The following KIRREL3 variants were observed in gnomAD, a reference collection of about 807,000 sequenced individuals.
The protein encoded by KIRREL3 is kirre like nephrin family adhesion molecule 3.
In KIRREL3, 36 loss-of-function variants were observed where a neutral mutation model predicts 89.7. That is an observed-to-expected ratio of 0.40 (90% CI 0.31 to 0.53). The LOEUF (loss-of-function observed/expected upper bound fraction) is 0.53. KIRREL3 is among the 20% of genes least tolerant of loss of function. The pLI, the probability that KIRREL3 is intolerant of heterozygous loss-of-function variation, is 0.49. For synonymous variants in KIRREL3, 445 were observed against 441.4 expected (o/e 1.01, Z -0.10); for missense variants, 864 against 1,056.6 (o/e 0.82, Z 2.53).
At chr11:127,002,419 G>T (rs1224357241), upstream of KIRREL3, among the ~76,000 whole-genome samples, 2 of 152,232 alleles carry the variant, frequency 1.3e-5, no homozygotes, top group Non-Finnish European at 2.9e-5. Flanking sequence ...TAACAAACAA[G>T]TTACTGAAGC....
chr11:126,450,614 TGTGC>T (rs1956032970), intron 7 of KIRREL3, among the ~76,000 whole-genome samples: 1 of 149,524 alleles, frequency 6.7e-6, no homozygotes, highest in South Asian at 2.1e-4. Flanking sequence ...TCCATCGGCG[TGTGC>T]GAGCATGTGC....
Position 126,705,508 on chromosome 11 carries a change from C to T in KIRREL3, c.56-142596G>A, listed in dbSNP as rs945135854. The stretch of plus-strand genomic sequence containing the variant: ...CACCTTCTGCCATGATTGGAAGCTT[C>T]CTGAGGCCTCACCAGAAGCTGAGAA... On this transcript the variant is annotated intron_variant, in intron 1 of 16. Transcript: ENST00000525144. The surrounding 1 kb of genome is among the most constrained non-coding windows in gnomAD (Gnocchi z 4.3). Among the ~76,000 whole-genome samples the T allele has an allele frequency of 3.9e-5, 6 of 152,162 alleles. No individual in the cohort carries two copies. Among genetic ancestry groups the T allele is most frequent in the African/African-American group, 1.4e-4 (6 of 41,432 alleles).
intron 1 of KIRREL3, among the ~76,000 whole-genome samples, chr11:126,868,826 C>T (rs192795164): frequency 5.8e-4 from 88 of 152,074 alleles, no homozygotes; most frequent in Non-Finnish European, 1.1e-3. Flanking sequence ...CTGGGAAGTC[C>T]AAGACCAAGG....
Position 126,736,787 on chromosome 11 carries a change from C to T in KIRREL3, c.56-173875G>A, listed in dbSNP as rs1437398946. 6.6e-6 allele frequency among the ~76,000 whole-genome samples: 1 copy of T among 152,156 alleles called. No individual in the cohort carries two copies. Among genetic ancestry groups the T allele is most frequent in the Non-Finnish European group, 1.5e-5 (1 of 68,030 alleles). ...CCCGGGTGTGGGTAAGGTTAAAGGT[C>T]ATGCTAATGTCCATGGACAAAGGCT... On this transcript the variant is annotated intron_variant, in intron 1 of 16. Coordinates refer to ENST00000525144, the MANE Select transcript of KIRREL3 (RefSeq NM_032531.4). This position sits in a 1 kb window ranked among gnomAD's most constrained non-coding sequence, Gnocchi z 5.0.
intron 2 of KIRREL3, among the ~76,000 whole-genome samples, chr11:126,536,864 C>T (rs903646331): frequency 3.3e-5 from 5 of 152,096 alleles, no homozygotes; most frequent in Non-Finnish European, 7.4e-5. Context: ...AGGCCAGTCT[C>T]GAACTCCTGA....
Position 126,610,559 on chromosome 11 carries a change from T to C in KIRREL3, c.56-47647A>G, listed in dbSNP as rs1421191542. 2 of 152,238 alleles carry C rather than the reference T, an allele frequency of 1.3e-5. No homozygotes were observed. The highest frequency in any genetic ancestry group is 2.9e-5 in the Non-Finnish European group (2 of 68,070). 9.4% of individuals were successfully genotyped at this position (152,238 alleles called of 1,614,324 possible). A position where few individuals can be genotyped will look rare whatever the true frequency, so the allele number is the denominator to read the frequency against. On this transcript the variant is annotated intron_variant, in intron 1 of 16. Coordinates refer to ENST00000525144, the MANE Select transcript of KIRREL3 (RefSeq NM_032531.4). This position sits in a 1 kb window ranked among gnomAD's most constrained non-coding sequence, Gnocchi z 4.6. ...AGAGAATGTTTGCATTGGAGGTCTG[T>C]GGGCGTAGAGCACTCAACAAATGCC... is the stretch of plus-strand genomic sequence containing the variant.
intron 1 of KIRREL3, among the ~76,000 whole-genome samples, chr11:126,824,973 T>A (rs1479187612): frequency 6.6e-6 from 1 of 152,244 alleles, no homozygotes; most frequent in Non-Finnish European, 1.5e-5. Flanking sequence ...GTAGCCTTTT[T>A]AATCTTTGTA....
intron 1 of KIRREL3, chr11:126,681,690 C>T (rs1946463768): frequency 5.9e-6 from 2 of 336,732 alleles, no homozygotes; most frequent in South Asian, 4.8e-5. Context: ...CTGGAGTTGG[C>T]CTGGTGCCTC....
In KIRREL3 at chr11:126,909,602, C is replaced by T. The variant is rs1329909305; in HGVS notation, c.55+90853G>A. On this transcript the variant is annotated intron_variant, in intron 1 of 16. Transcript: ENST00000525144. The surrounding 1 kb of genome is among the most constrained non-coding windows in gnomAD (Gnocchi z 4.5). Reference sequence around the variant, plus strand: ...TCTGCTGAATGGAGTCGCAACAGCACCTGTCTCTGGTGTCCTCCACCCTTT... The same window carrying T: ...TCTGCTGAATGGAGTCGCAACAGCATCTGTCTCTGGTGTCCTCCACCCTTT... Among the ~76,000 whole-genome samples, 1 of 152,094 alleles carries T rather than the reference C, an allele frequency of 6.6e-6. No individual in the cohort carries two copies. The highest frequency in any genetic ancestry group is 1.5e-5 in the Non-Finnish European group (1 of 68,024).
At chr11:126,425,603 C>G in intron 16 of KIRREL3, 35 bp downstream of exon 16, 1 of 1,510,758 alleles carries the variant, frequency 6.6e-7, no homozygotes, top group South Asian at 1.2e-5. Context: ...GACCAGATTC[C>G]ATGGCTGTGT....
rs1334194956 is a variant in KIRREL3 at position 126,530,934 on chromosome 11, G to A, written c.134-4247C>T. Among the ~76,000 whole-genome samples, 2 of 151,946 alleles carry A rather than the reference G, an allele frequency of 1.3e-5. No individual in the cohort carries two copies. The highest frequency in any genetic ancestry group is 2.4e-5 in the African/African-American group (1 of 41,334). ...CAACCTTTGCCTCCCGGGTTCAAGC[G>A]ATTCTTCTGCCTCAGCCTCTTGAGT... On this transcript the variant is annotated intron_variant, in intron 2 of 16. Transcript: ENST00000525144. The surrounding 1 kb of genome is among the most constrained non-coding windows in gnomAD (Gnocchi z 5.8).
intron 1 of KIRREL3, among the ~76,000 whole-genome samples, chr11:126,998,612 T>G (rs1251922372): frequency 1.3e-5 from 2 of 152,236 alleles, no homozygotes; most frequent in Middle Eastern, 3.4e-3. Flanking sequence ...TATTTAAAGA[T>G]TCACATGAAG....
In KIRREL3 at chr11:126,808,447, G is replaced by A. The variant is rs1021642911; in HGVS notation, c.55+192008C>T. On this transcript the variant is annotated intron_variant, in intron 1 of 16. Coordinates refer to ENST00000525144, the MANE Select transcript of KIRREL3 (RefSeq NM_032531.4). This position sits in a 1 kb window ranked among gnomAD's most constrained non-coding sequence, Gnocchi z 4.1. ...GCTAAGATGTAGAGCAGTTATTAAG[G>A]CCTTAAGATAAAGGCAGTTTTTCAT... 3.3e-5 allele frequency among the ~76,000 whole-genome samples: 5 copies of A among 152,086 alleles called. No individual in the cohort carries two copies. The highest frequency in any genetic ancestry group is 1.2e-4 in the African/African-American group (5 of 41,388).
At chr11:126,716,578 G>A (rs1199615742) in intron 1 of KIRREL3, among the ~76,000 whole-genome samples, 2 of 152,124 alleles carry the variant, frequency 1.3e-5, no homozygotes, top group Non-Finnish European at 2.9e-5. Context: ...GATACTGATG[G>A]AGCACAGAAG....
chr11:126,835,758 C>T (rs1943760508), intron 1 of KIRREL3, among the ~76,000 whole-genome samples: 1 of 152,168 alleles, frequency 6.6e-6, no homozygotes, highest in Admixed American at 6.5e-5. Context: ...TTGCCAGTAC[C>T]TTTGCTAGTG....
At chr11:126,634,860 A>G (rs2134900949) in intron 1 of KIRREL3, among the ~76,000 whole-genome samples, 1 of 152,162 alleles carries the variant, frequency 6.6e-6, no homozygotes, top group East Asian at 1.9e-4. Flanking sequence ...TGCTCTTTCC[A>G]CTAAGCCTCA....
At chr11:126,529,965 C>CTT (rs5795503) in intron 2 of KIRREL3, among the ~76,000 whole-genome samples, 56 of 147,524 alleles carry the variant, frequency 3.8e-4, no homozygotes, top group African/African-American at 1.3e-3. Flanking sequence ...ATGGAACCCA[C>CTT]TTTTTTTTTT....
rs1015027311 is a variant in KIRREL3 at position 126,807,577 on chromosome 11, C to G, written c.55+192878G>C. Among the ~76,000 whole-genome samples the G allele has an allele frequency of 4.6e-5, 7 of 152,234 alleles. No homozygotes were observed. Among genetic ancestry groups the G allele is most frequent in the Admixed American group, 2.6e-4 (4 of 15,286 alleles). On this transcript the variant is annotated intron_variant, in intron 1 of 16. Transcript: ENST00000525144. This position sits in a 1 kb window ranked among gnomAD's most constrained non-coding sequence, Gnocchi z 4.3. Reference sequence around the variant, plus strand: ...CACAGGTTTCGTGCATTCATAGACACACGGAACCTCATGCAGGTACCCAAT... The same window carrying G: ...CACAGGTTTCGTGCATTCATAGACAGACGGAACCTCATGCAGGTACCCAAT...
At chr11:126,556,991 A>G (rs547536686) in intron 2 of KIRREL3, among the ~76,000 whole-genome samples, 5 of 152,348 alleles carry the variant, frequency 3.3e-5, no homozygotes, top group Non-Finnish European at 5.9e-5. Context: ...AAATGACGGT[A>G]TTAGCCAACA....
Sources: gnomAD v4.1 joint callset for allele counts (sites outside exome capture counted in the v4.1 genomes callset) on GRCh38, gnomAD v4.1.1 for gene constraint, Gnocchi (gnomAD v3.1) non-coding constraint, MANE v1.5 for transcripts, NCBI Gene and HGNC (gene_info 2026-07-23, HGNC 2026-07-21) for gene names.